USH2A: variants seen among roughly 807,000 people sequenced by gnomAD.
The protein encoded by USH2A is Usher syndrome 2A (autosomal recessive, mild).
Under a neutral mutation model 538.9 loss-of-function variants are expected in USH2A, and 443 were observed. The observed-to-expected ratio is 0.82, with a 90% CI of 0.76 to 0.89. The LOEUF (loss-of-function observed/expected upper bound fraction) is 0.89, where lower values mean the gene tolerates loss of function less well. Ranked by LOEUF, USH2A falls within the 40% of genes least tolerant of loss-of-function variation. The pLI is 0.00. For missense variants in USH2A, 6,633 were observed against 6,324.8 expected, an observed-to-expected ratio of 1.05 and a Z score of -1.65; for synonymous variants, 2,413 against 2,273.5, an observed-to-expected ratio of 1.06 and a Z score of -1.75.
chr1:216,188,349 T>C (rs2034648945), intron 20 of USH2A, among the ~76,000 whole-genome samples: 1 of 151,812 alleles, frequency 6.6e-6, no homozygotes, highest in South Asian at 2.1e-4. Context: ...ATGTCTCTCT[T>C]CAGGTTCTTT....
At chr1:216,346,481 T>G (rs1189575249) in intron 4 of USH2A, among the ~76,000 whole-genome samples, 1 of 152,102 alleles carries the variant, frequency 6.6e-6, no homozygotes, top group Non-Finnish European at 1.5e-5. Flanking sequence ...AGGAAAGAGC[T>G]TTGGTATGCA....
Position 216,078,030 on chromosome 1 carries a change from C to A in USH2A, c.5572+59G>T, listed in dbSNP as rs910582437. On this transcript the variant is annotated intron_variant, in intron 27 of 71. Transcript: ENST00000307340. ...TGCTATCTCTTGAAACACAGAACCA[C>A]CAAAAACTGTTAGCACCAGGGCTGT... The A allele has an allele frequency of 1.9e-6, 3 of 1,609,454 alleles. No individual in the cohort carries two copies. In the African/African-American group the frequency reaches 4.0e-5, roughly 22 times the overall value.
chr1:216,196,436 T>G, intron 19 of USH2A, 117 bp downstream of exon 19: 1 of 1,094,116 alleles, frequency 9.1e-7, no homozygotes, highest in Admixed American at 2.0e-5. Flanking sequence ...TAAGAAAAAA[T>G]GCCCTGTTTA....
At chr1:215,943,193 AC>A (rs1406879783) in intron 37 of USH2A, among the ~76,000 whole-genome samples, 1 of 152,224 alleles carries the variant, frequency 6.6e-6, no homozygotes. Context: ...CGAGTATTAT[AC>A]ATACAGCTAA....
intron 38 of USH2A, among the ~76,000 whole-genome samples, chr1:215,925,607 A>G (rs1240898128): frequency 2.0e-5 from 3 of 152,248 alleles, no homozygotes; most frequent in Admixed American, 6.6e-5. Context: ...TGGCTTTTAC[A>G]TTATAAAAAG....
At chr1:215,660,288 A>G (rs1293439935) in intron 64 of USH2A, among the ~76,000 whole-genome samples, 7 of 152,222 alleles carry the variant, frequency 4.6e-5, no homozygotes, top group Non-Finnish European at 8.8e-5. Context: ...ATTAGTTAAT[A>G]TACATGCAGT....
chr1:216,151,880 C>T (rs1022289841), intron 21 of USH2A, among the ~76,000 whole-genome samples: 1 of 152,174 alleles, frequency 6.6e-6, no homozygotes, highest in Non-Finnish European at 1.5e-5. Flanking sequence ...ATTCTTAGTC[C>T]TTTAATACCC....
At chr1:215,646,640 C>T (rs576429992) in intron 67 of USH2A, among the ~76,000 whole-genome samples, 1 of 152,230 alleles carries the variant, frequency 6.6e-6, no homozygotes, top group African/African-American at 2.4e-5. Flanking sequence ...GATTCTCCTG[C>T]TTAAGCCTCC....
intron 63 of USH2A, among the ~76,000 whole-genome samples, chr1:215,671,972 G>C (rs984964518): frequency 1.3e-5 from 2 of 152,078 alleles, no homozygotes; most frequent in African/African-American, 4.8e-5. Flanking sequence ...AGACCTTGCG[G>C]GGCCAAAGTT....
chr1:215,845,763 C>T, intron 45 of USH2A, 61 bp downstream of exon 45: 1 of 1,563,870 alleles, frequency 6.4e-7, no homozygotes, highest in Non-Finnish European at 8.8e-7. Context: ...TCAACCCCGG[C>T]AAGAATCAAT....
rs577672130 is a variant in USH2A, at chr1:215,726,421, TA to T, written c.12066+1608del. ...ATTATCCTTTCATTTACATATTGCT[TA>T]TTTTTTAGTCATATGAGAAAATTAA... On this transcript the variant is annotated intron_variant, in intron 61 of 71. Transcript: ENST00000307340. Among the ~76,000 whole-genome samples, 13 of 152,210 alleles carry T rather than the reference TA, an allele frequency of 8.5e-5. 1 individual carries two copies. Among genetic ancestry groups the T allele is most frequent in the Non-Finnish European group, 1.8e-4 (12 of 68,028 alleles).
intron 21 of USH2A, among the ~76,000 whole-genome samples, chr1:216,128,177 A>G (rs1011568584): frequency 1.7e-4 from 26 of 152,148 alleles, no homozygotes; most frequent in Admixed American, 2.0e-4. Flanking sequence ...TGTTCAGATA[A>G]TATTATATAG....
intron 3 of USH2A, among the ~76,000 whole-genome samples, chr1:216,365,401 C>T (rs1244295549): frequency 6.6e-6 from 1 of 152,018 alleles, no homozygotes; most frequent in Non-Finnish European, 1.5e-5. Context: ...TCTTTAAATA[C>T]AAATTAAATT....
intron 30 of USH2A, among the ~76,000 whole-genome samples, chr1:216,068,274 C>T (rs2031445451): frequency 6.6e-6 from 1 of 152,080 alleles, no homozygotes; most frequent in South Asian, 2.1e-4. Context: ...AGAGAGGGAG[C>T]AATAGCTGGG....
intron 21 of USH2A, among the ~76,000 whole-genome samples, chr1:216,132,054 A>G (rs2033387939): frequency 6.6e-6 from 1 of 152,020 alleles, no homozygotes; most frequent in Non-Finnish European, 1.5e-5. Flanking sequence ...CATGCTCTTG[A>G]GTCCAAGTCC....
chr1:216,097,373 T>C lies in USH2A; in HGVS notation c.4628-160A>G, dbSNP rs554688610. On this transcript the variant is annotated intron_variant, in intron 21 of 71. Transcript: ENST00000307340. ...ATGGTCTAGGCCATTTGGTTTTAAATATATCCCATTTTAAATGCCATTCAG... is the reference window on the plus strand; with the variant it reads ...ATGGTCTAGGCCATTTGGTTTTAAACATATCCCATTTTAAATGCCATTCAG... Among the ~76,000 whole-genome samples the C allele has an allele frequency of 4.6e-5, 7 of 152,312 alleles. No individual in the cohort carries two copies. In the South Asian group the frequency reaches 1.5e-3, roughly 32 times the overall value.
intron 3 of USH2A, among the ~76,000 whole-genome samples, chr1:216,385,688 C>A (rs2038992456): frequency 6.6e-6 from 1 of 152,132 alleles, no homozygotes; most frequent in African/African-American, 2.4e-5. Context: ...CATTTGGTTC[C>A]CTTTGATTAT....
intron 21 of USH2A, among the ~76,000 whole-genome samples, chr1:216,118,234 T>TTA (rs1277827070): frequency 2.0e-5 from 3 of 152,150 alleles, no homozygotes; most frequent in African/African-American, 4.8e-5. Context: ...GTATTAGCTA[T>TTA]TATTATTAAA....
intron 38 of USH2A, among the ~76,000 whole-genome samples, chr1:215,928,327 T>C (rs552942408): frequency 3.3e-5 from 5 of 152,174 alleles, no homozygotes; most frequent in Admixed American, 6.6e-5. Context: ...TTAATTGTCA[T>C]GTAAGGAAAG....
Sources: allele counts gnomAD v4.1 joint callset (sites outside exome capture counted in the v4.1 genomes callset), GRCh38; gene constraint gnomAD v4.1.1; transcripts MANE v1.5; gene names NCBI Gene and HGNC (gene_info 2026-07-23, HGNC 2026-07-21).